The following CCDC85A variants were observed in gnomAD, a reference collection of about 807,000 sequenced individuals.
CCDC85A encodes coiled-coil domain containing 85A, also known as coiled-coil domain-containing protein 85A.
In CCDC85A, 38 loss-of-function variants were observed where a neutral mutation model predicts 50.2. The ratio of observed to expected loss-of-function variants is 0.76; its 90% CI spans 0.58 to 0.99. The LOEUF (loss-of-function observed/expected upper bound fraction) is 0.99, where lower values mean the gene tolerates loss of function less well. Among genes scored for constraint, CCDC85A ranks in the 50% least tolerant of loss-of-function variants. The pLI, the probability that CCDC85A is intolerant of heterozygous loss-of-function variation, is 0.00. For synonymous variants in CCDC85A, 366 were observed against 301.4 expected, an observed-to-expected ratio of 1.21 and a Z score of -2.22; for missense variants, 820 against 742.0, an observed-to-expected ratio of 1.11 and a Z score of -1.22.
At position 56,184,394 on chromosome 2, in the gene CCDC85A, G is replaced by C; in HGVS notation, c.-231G>C. On this transcript the variant is annotated 5_prime_UTR_variant, in exon 1 of 6. Transcript: ENST00000407595. ...GGAGTTGGGACGGGCCTCGGCAGCA[G>C]CAAGCGGCTGGCTGCCGGGCCCTGG... The C allele has an allele frequency of 2.0e-6, 1 of 504,328 alleles. No individual in the cohort carries two copies. Among genetic ancestry groups the C allele is most frequent in the Non-Finnish European group, 2.9e-6 (1 of 342,084 alleles). 31.2% of individuals were successfully genotyped at this position (504,328 alleles called of 1,614,324 possible). A position where few individuals can be genotyped will look rare whatever the true frequency, so the allele number is the denominator to read the frequency against.
intron 3 of CCDC85A, among the ~76,000 whole-genome samples, chr2:56,350,820 AT>A (rs1019973873): frequency 1.1e-4 from 16 of 141,474 alleles, no homozygotes; most frequent in African/African-American, 2.4e-4. Flanking sequence ...ATTGATAGAT[AT>A]TTTTTTTCAG....
intron 2 of CCDC85A, among the ~76,000 whole-genome samples, chr2:56,296,337 A>G (rs904641646): frequency 6.6e-5 from 10 of 152,168 alleles, no homozygotes; most frequent in African/African-American, 1.2e-4. Flanking sequence ...AATAACTTAA[A>G]AACTATTTAT....
In CCDC85A at chr2:56,193,316, C is replaced by G. The variant is rs1437713997; in HGVS notation, c.1116C>G (p.His372Gln). ...LKQHYGGSPD[H>Q]KHGGGSGGSG... ...AACATTATGGAGGGAGCCCTGATCA[C>G]AAACACGGAGGAGGCAGTGGAGGAA... The change falls in exon 2 of 6, where the codon CAC becomes CAG. Residue 372 changes from histidine to glutamine, a missense_variant. Physicochemically the swap from His to Gln is conservative, Grantham distance 24. Coordinates refer to ENST00000407595, the MANE Select transcript of CCDC85A (RefSeq NM_001080433.2). 1.2e-6 allele frequency: 2 copies of G among 1,613,482 alleles called. No individual in the cohort carries two copies. Among genetic ancestry groups the G allele is most frequent in the Non-Finnish European group, 1.7e-6 (2 of 1,179,644 alleles).
intron 3 of CCDC85A, among the ~76,000 whole-genome samples, chr2:56,367,496 C>G (rs2104382566): frequency 1.3e-5 from 2 of 152,268 alleles, no homozygotes; most frequent in Admixed American, 1.3e-4. Context: ...TTCTCTTTCT[C>G]TAAATCAGGG....
chr2:56,321,304 G>A (rs1673172637), intron 2 of CCDC85A, among the ~76,000 whole-genome samples: 1 of 152,140 alleles, frequency 6.6e-6, no homozygotes, highest in Non-Finnish European at 1.5e-5. Flanking sequence ...AATCAGGCAG[G>A]AGAAGGTAAT....
At chr2:56,341,631 A>G (rs1573299295) in intron 2 of CCDC85A, among the ~76,000 whole-genome samples, 1 of 152,232 alleles carries the variant, frequency 6.6e-6, no homozygotes, top group African/African-American at 2.4e-5. Flanking sequence ...ACTTTTCTTC[A>G]CCTGTGACCC....
At chr2:56,379,627 C>T (rs1487368543) in intron 5 of CCDC85A, 1 of 155,766 alleles carries the variant, frequency 6.4e-6, no homozygotes, top group Non-Finnish European at 1.4e-5. Flanking sequence ...TATGCTAATC[C>T]ACTCTGATAT....
At chr2:56,191,830 C>T (rs780645666) in intron 1 of CCDC85A, among the ~76,000 whole-genome samples, 5 of 152,164 alleles carry the variant, frequency 3.3e-5, no homozygotes. Flanking sequence ...CTTTCCCTAC[C>T]AGGGGAATTG....
chr2:56,383,518 C>G (rs1676689647), intron 5 of CCDC85A: 1 of 895,556 alleles, frequency 1.1e-6, no homozygotes, highest in Non-Finnish European at 1.3e-6. Flanking sequence ...TTTTGTCCCT[C>G]TATGTGGCCC....
At chr2:56,206,510 G>A (rs1284472103) in intron 2 of CCDC85A, among the ~76,000 whole-genome samples, 1 of 152,096 alleles carries the variant, frequency 6.6e-6, no homozygotes, top group Non-Finnish European at 1.5e-5. Flanking sequence ...CCCATGGTGG[G>A]AGGCAAGAGG....
At chr2:56,367,958 T>TTTAGCTTGTCCAAAGTC (rs1675884794) in intron 3 of CCDC85A, among the ~76,000 whole-genome samples, 1 of 152,150 alleles carries the variant, frequency 6.6e-6, no homozygotes, top group Non-Finnish European at 1.5e-5. Flanking sequence ...AGAAAGGCCA[T>TTTAGCTTGTCCAAAGTC]ATAGCTTGTC....
intron 2 of CCDC85A, among the ~76,000 whole-genome samples, chr2:56,301,246 TTGTC>T (rs1405960511): frequency 2.0e-5 from 3 of 152,174 alleles, no homozygotes; most frequent in African/African-American, 4.8e-5. Context: ...TATGTTGTGT[TTGTC>T]TGTGTGTAAA....
At chr2:56,354,892 C>A (rs1280613367) in intron 3 of CCDC85A, among the ~76,000 whole-genome samples, 2 of 152,088 alleles carry the variant, frequency 1.3e-5, no homozygotes, top group Non-Finnish European at 2.9e-5. Flanking sequence ...GAAAAACAGC[C>A]CAGCCACAAT....
At chr2:56,379,749 G>A (rs1676497874) in intron 5 of CCDC85A, 1 of 974,056 alleles carries the variant, frequency 1.0e-6, no homozygotes, top group Non-Finnish European at 1.2e-6. Flanking sequence ...AACAAATCCA[G>A]GTCTTGGATG....
At chr2:56,345,493 G>C (rs1020119058) in intron 3 of CCDC85A, among the ~76,000 whole-genome samples, 4 of 152,190 alleles carry the variant, frequency 2.6e-5, no homozygotes, top group African/African-American at 9.6e-5. Flanking sequence ...GAATGCAGTA[G>C]ATCTGTCAAT....
rs376964741 is a variant in CCDC85A, at chr2:56,311,957, G to A, written c.1241-30922G>A. On this transcript the variant is annotated intron_variant, in intron 2 of 5. Coordinates refer to ENST00000407595, the MANE Select transcript of CCDC85A (RefSeq NM_001080433.2). Reference sequence around the variant, plus strand: ...ACAGGTGATTTGAGTGCATATTAAAGTTTGAGAAGCCCAGCTGTCCTTGGA... The same window carrying A: ...ACAGGTGATTTGAGTGCATATTAAAATTTGAGAAGCCCAGCTGTCCTTGGA... Among the ~76,000 whole-genome samples the A allele has an allele frequency of 1.2e-4, 18 of 152,224 alleles. No individual in the cohort carries two copies. The South Asian group carries it at 1.9e-3, about 16-fold the overall frequency.
At chr2:56,341,620 T>A (rs6748308) in intron 2 of CCDC85A, among the ~76,000 whole-genome samples, 1 of 152,140 alleles carries the variant, frequency 6.6e-6, no homozygotes, top group African/African-American at 2.4e-5. Flanking sequence ...AATAAAATTT[T>A]ACTTTTCTTC....
In CCDC85A at chr2:56,375,814, A is replaced by AGGGTTCTT; in HGVS notation, c.1453-1_1459dup. 1 of 1,613,226 alleles carries AGGGTTCTT rather than the reference A, an allele frequency of 6.2e-7. No individual in the cohort carries two copies. The highest frequency in any genetic ancestry group is 8.5e-7 in the Non-Finnish European group (1 of 1,179,642). On this transcript the variant is annotated splice_acceptor_variant, in intron 4 of 5. Transcript: ENST00000407595. LOFTEE classifies it high-confidence loss of function. ...TAACAAAGTTGTTGATTTTCTACTA[A>AGGGTTCTT]GGGTTCTTTTAGGTTGTCATCAGGG...
chr2:56,293,314 T>A (rs1489815870), intron 2 of CCDC85A, among the ~76,000 whole-genome samples: 1 of 152,130 alleles, frequency 6.6e-6, no homozygotes, highest in African/African-American at 2.4e-5. Flanking sequence ...TTACACCATA[T>A]ACAAAAATTA....
Sources: allele counts gnomAD v4.1 joint callset (sites outside exome capture counted in the v4.1 genomes callset), GRCh38; gene constraint gnomAD v4.1.1; transcripts MANE v1.5; gene names NCBI Gene and HGNC (gene_info 2026-07-23, HGNC 2026-07-21).